The following GLB1L3 variants were observed in gnomAD, a reference collection of about 807,000 sequenced individuals.
GLB1L3 encodes the protein beta-galactosidase-1-like protein 3.
A neutral mutation model predicts 89.5 loss-of-function variants in GLB1L3; 89 were observed. The ratio of observed to expected loss-of-function variants is 0.99; its 90% confidence interval spans 0.84 to 1.19. The LOEUF is 1.19. Among genes scored for constraint, GLB1L3 ranks in the 50% most tolerant of loss-of-function variants. The probability of loss-of-function intolerance (pLI) is 0.00; values close to 1 mark genes in which losing one functional copy is unlikely to be tolerated. For missense variants in GLB1L3, 812 were observed against 813.3 expected, an observed-to-expected ratio of 1.00 and a Z score of 0.02; for synonymous variants, 314 against 312.3, an observed-to-expected ratio of 1.01 and a Z score of -0.06.
chr11:134,318,470 C>T (rs1392431724), intron 18 of GLB1L3, among the ~76,000 whole-genome samples, 161 bp from the exon 19 acceptor site: 1 of 152,154 alleles, frequency 6.6e-6, no homozygotes, highest in African/African-American at 2.4e-5. Context: ...TCTTTCATTC[C>T]TAGACAGCAA....
Position 134,310,556 on chromosome 11 carries a change from C to T in GLB1L3, c.1100-15C>T. The T allele has an allele frequency of 6.2e-7, 1 of 1,605,394 alleles. No homozygotes were observed. The highest frequency in any genetic ancestry group is 2.2e-5 in the East Asian group (1 of 44,786). ...AGAGACTGCATGGCTGGTGACTGGC[C>T]CTGGTGTCTTGCAGACTATGATGCA... On this transcript the variant is annotated splice_polypyrimidine_tract_variant and intron_variant, in intron 11 of 19. Coordinates refer to ENST00000431683, the MANE Select transcript of GLB1L3 (RefSeq NM_001080407.3).
At chr11:134,318,326 G>A (rs1943067476) in intron 18 of GLB1L3, among the ~76,000 whole-genome samples, 1 of 152,192 alleles carries the variant, frequency 6.6e-6, no homozygotes, top group African/African-American at 2.4e-5. Context: ...GTCAGCAGTG[G>A]TGTTCATCAC....
Position 134,308,428 on chromosome 11 carries a change from TCAC to T in GLB1L3, c.962-1183_962-1181del, listed in dbSNP as rs1250413719. 7.3e-4 allele frequency among the ~76,000 whole-genome samples: 28 copies of T among 38,244 alleles called. 1 individual carries two copies. The highest frequency in any genetic ancestry group is 2.8e-3 in the South Asian group (3 of 1,080). 25.1% of individuals were successfully genotyped at this position (38,244 alleles called of 152,430 possible). On this transcript the variant is annotated intron_variant, in intron 10 of 19. Transcript: ENST00000431683. ...ATCACCACCACCACCATCATCACCA[TCAC>T]CACCACCACCACCATCACCACCACC...
At chr11:134,317,630 G>A (rs1240882464) in intron 18 of GLB1L3, among the ~76,000 whole-genome samples, 2 of 152,172 alleles carry the variant, frequency 1.3e-5, no homozygotes, top group Admixed American at 6.5e-5. Flanking sequence ...AAGAATATGT[G>A]TATACTGTAG....
chr11:134,297,876 A>AAAAG (rs71038575), intron 9 of GLB1L3, among the ~76,000 whole-genome samples: 56,210 of 109,996 alleles, frequency 0.51, 13,483 homozygotes, highest in Non-Finnish European at 0.6. Flanking sequence ...AAAAAAAAAA[A>AAAAG]AAAGAAAGAA....
At chr11:134,285,461 C>T (rs576571976) in intron 6 of GLB1L3, among the ~76,000 whole-genome samples, 2 of 152,068 alleles carry the variant, frequency 1.3e-5, no homozygotes, top group Non-Finnish European at 2.9e-5. Context: ...TTCAAGGACA[C>T]GTCTCTTGAT....
intron 14 of GLB1L3, 79 bp from the exon 15 acceptor site, chr11:134,312,737 C>T: frequency 8.3e-7 from 1 of 1,211,184 alleles, no homozygotes; most frequent in Non-Finnish European, 1.2e-6. Context: ...ATACTGACCT[C>T]CTTCTCCCGA....
intron 7 of GLB1L3, among the ~76,000 whole-genome samples, chr11:134,289,377 A>AGAG (rs1265345924): frequency 4.6e-5 from 7 of 152,000 alleles, no homozygotes; most frequent in Admixed American, 2.0e-4. Flanking sequence ...GGGTGGCAGA[A>AGAG]GAGGTGGAGG....
At position 134,292,604 on chromosome 11, in the gene GLB1L3, C is replaced by T. The variant is rs569069110; in HGVS notation, c.811+391C>T. 4.3e-5 allele frequency: 9 copies of T among 211,608 alleles called. No individual in the cohort carries two copies. The East Asian group carries it at 4.8e-4, about 11-fold the overall frequency. 13.1% of individuals were successfully genotyped at this position (211,608 alleles called of 1,614,324 possible). On this transcript the variant is annotated intron_variant, in intron 8 of 19. Coordinates refer to ENST00000431683, the MANE Select transcript of GLB1L3 (RefSeq NM_001080407.3). ...AAGATGGGTGTTGTGTCAGGAACCC[C>T]GCCTAGATCCGGTTCCATTCCTGGG...
chr11:134,285,171 C>G (rs1302512732), intron 6 of GLB1L3, among the ~76,000 whole-genome samples: 1 of 151,978 alleles, frequency 6.6e-6, no homozygotes, highest in Non-Finnish European at 1.5e-5. Flanking sequence ...CTCGTGATCC[C>G]ACCACCTCTG....
chr11:134,314,898 TGTA>T (rs1942914221), intron 18 of GLB1L3, among the ~76,000 whole-genome samples: 1 of 152,236 alleles, frequency 6.6e-6, no homozygotes, highest in African/African-American at 2.4e-5. Context: ...TATCTTTTTC[TGTA>T]TAAATACACA....
intron 6 of GLB1L3, among the ~76,000 whole-genome samples, chr11:134,288,089 G>A (rs1019323976): frequency 3.9e-5 from 6 of 152,338 alleles, no homozygotes; most frequent in African/African-American, 1.4e-4. Flanking sequence ...CCTGAAAGAG[G>A]ATACTCTGAA....
intron 10 of GLB1L3, among the ~76,000 whole-genome samples, chr11:134,308,272 CACCACCACCAAAT>C (rs1942369613): frequency 3.7e-5 from 2 of 53,862 alleles, no homozygotes; most frequent in Admixed American, 1.3e-4. Context: ...CCACCACCAC[CACCACCACCAAAT>C]ACCACCACCA....
At chr11:134,294,235 T>A (rs1941513620) in intron 9 of GLB1L3, among the ~76,000 whole-genome samples, 1 of 152,024 alleles carries the variant, frequency 6.6e-6, no homozygotes, top group East Asian at 1.9e-4. Flanking sequence ...CCCAGCTAAT[T>A]TTTGTACTTT....
At chr11:134,325,109 TTAA>T in the GLB1L3 span, among the ~76,000 whole-genome samples, 1 of 152,210 alleles carries the variant, frequency 6.6e-6, no homozygotes, top group East Asian at 1.9e-4. Context: ...TTGAAAATTC[TTAA>T]TAATTGTTTT....
At position 134,312,087 on chromosome 11, in the gene GLB1L3, G is replaced by C. The variant is rs545998080; in HGVS notation, c.1288-262G>C. The C allele has an allele frequency of 2.8e-4, 111 of 398,200 alleles. 1 individual carries two copies. In the Admixed American group the frequency reaches 3.6e-3, roughly 13 times the overall value. The allele number at this position is 398,200 out of a possible 1,614,324, so 24.7% of individuals were successfully genotyped here. The stretch of plus-strand genomic sequence containing the variant: ...GCTGGGATTACAGGCGTGAGCCCCT[G>C]CGCCCCATCCATTTCCTCTGTTAAT... On this transcript the variant is annotated intron_variant, in intron 13 of 19. Coordinates refer to ENST00000431683, the MANE Select transcript of GLB1L3 (RefSeq NM_001080407.3).
intron 18 of GLB1L3, among the ~76,000 whole-genome samples, chr11:134,316,437 A>G (rs1260794123): frequency 6.6e-6 from 1 of 152,194 alleles, no homozygotes; most frequent in Non-Finnish European, 1.5e-5. Flanking sequence ...GAGATGAATC[A>G]TTTTAGTGTC....
intron 18 of GLB1L3, among the ~76,000 whole-genome samples, chr11:134,317,920 TAATG>T (rs1371608570): frequency 6.6e-6 from 1 of 152,238 alleles, no homozygotes; most frequent in Non-Finnish European, 1.5e-5. Context: ...TTATCTCTAA[TAATG>T]CTTCTTGCCT....
At chr11:134,314,743 C>CAA (rs1399453254) in intron 18 of GLB1L3, among the ~76,000 whole-genome samples, 1 of 152,180 alleles carries the variant, frequency 6.6e-6, no homozygotes, top group Non-Finnish European at 1.5e-5. Context: ...TCAACACTGC[C>CAA]AACAGTGGTA....
Sources: gnomAD v4.1 joint callset for allele counts (sites outside exome capture counted in the v4.1 genomes callset) on GRCh38, gnomAD v4.1.1 for gene constraint, MANE v1.5 for transcripts, NCBI Gene and HGNC (gene_info 2026-07-23, HGNC 2026-07-21) for gene names.